The following LDAH variants were observed in gnomAD, a reference collection of about 807,000 sequenced individuals.
The protein encoded by LDAH is lipid droplet-associated hydrolase.
A neutral mutation model predicts 29.6 loss-of-function variants in LDAH; 26 were observed. That is an observed-to-expected ratio of 0.88 (90% CI 0.64 to 1.22). LDAH has a LOEUF of 1.22. LDAH is among the 50% of genes most tolerant of loss of function. The probability of loss-of-function intolerance (pLI) is 0.00; values close to 1 mark genes in which losing one functional copy is unlikely to be tolerated. For synonymous variants in LDAH, 117 were observed against 133.0 expected, an observed-to-expected ratio of 0.88 and a Z score of 0.83; for missense variants, 344 against 387.3, an observed-to-expected ratio of 0.89 and a Z score of 0.94.
Position 20,696,862 on chromosome 2 carries a change from C to T in LDAH, c.786+4708G>A, listed in dbSNP as rs1440541648. ...TCCCTTGGTTTATTTCATCCTGGTT[C>T]TCCTTCCCACCCTTCTTACCTCCCC... On this transcript the variant is annotated intron_variant, in intron 6 of 6. Transcript: ENST00000237822. Among the ~76,000 whole-genome samples, 6 of 152,224 alleles carry T rather than the reference C, an allele frequency of 3.9e-5. No homozygotes were observed. In the East Asian group the frequency reaches 9.7e-4, roughly 25 times the overall value.
At chr2:20,808,429 C>T (rs1057312375) in intron 1 of LDAH, among the ~76,000 whole-genome samples, 19 of 151,880 alleles carry the variant, frequency 1.3e-4, no homozygotes, top group Non-Finnish European at 2.2e-4. Flanking sequence ...TTTGGGAGGC[C>T]GAGGCGGGCG....
intron 4 of LDAH, among the ~76,000 whole-genome samples, chr2:20,762,898 GAC>G: frequency 6.6e-6 from 1 of 152,152 alleles, no homozygotes; most frequent in Non-Finnish European, 1.5e-5. Flanking sequence ...CGTGCCTGAA[GAC>G]ACAAAAATAC....
intron 5 of LDAH, among the ~76,000 whole-genome samples, chr2:20,702,899 C>T (rs1010758168): frequency 2.6e-5 from 4 of 152,204 alleles, no homozygotes; most frequent in South Asian, 2.1e-4. Context: ...ATGGCACGAT[C>T]GTGGCTCACG....
chr2:20,701,061 T>C (rs1342024127), intron 6 of LDAH, among the ~76,000 whole-genome samples: 3 of 152,212 alleles, frequency 2.0e-5, no homozygotes, highest in African/African-American at 7.2e-5. Context: ...AGATTGGTGC[T>C]TCCAGATGTG....
At chr2:20,773,248 A>C (rs1304785113) in intron 4 of LDAH, among the ~76,000 whole-genome samples, 2 of 152,146 alleles carry the variant, frequency 1.3e-5, no homozygotes, top group Non-Finnish European at 2.9e-5. Context: ...TTTACAAATG[A>C]GGAAACTGAG....
rs190796112 is a variant in LDAH at position 20,701,753 on chromosome 2, C to T, written c.704-101G>A. 2.8e-4 allele frequency: 293 copies of T among 1,040,066 alleles called. No homozygotes were observed. The African/African-American group carries it at 3.9e-3, about 14-fold the overall frequency. 64.4% of individuals were successfully genotyped at this position (1,040,066 alleles called of 1,614,324 possible). On this transcript the variant is annotated intron_variant, in intron 5 of 6. Transcript: ENST00000237822. Reference sequence around the variant, plus strand: ...TTCATGTTCCTCCTTTCTTTTGGCACGTGCTATCTGATGAGAGATACTGGT... The same window carrying T: ...TTCATGTTCCTCCTTTCTTTTGGCATGTGCTATCTGATGAGAGATACTGGT...
intron 1 of LDAH, among the ~76,000 whole-genome samples, chr2:20,804,675 T>C (rs535350023): frequency 1.7e-4 from 25 of 150,210 alleles, no homozygotes; most frequent in African/African-American, 6.3e-4. Flanking sequence ...TTCATTCTCT[T>C]TGTTTATTCC....
At chr2:20,813,391 CAT>C (rs1558504191) in intron 1 of LDAH, among the ~76,000 whole-genome samples, 1 of 152,120 alleles carries the variant, frequency 6.6e-6, no homozygotes, top group African/African-American at 2.4e-5. Context: ...TACTTAATAA[CAT>C]ATGGATATCC....
intron 1 of LDAH, among the ~76,000 whole-genome samples, chr2:20,813,138 T>C (rs1171619963): frequency 1.3e-5 from 2 of 152,186 alleles, no homozygotes; most frequent in East Asian, 3.9e-4. Context: ...AAATGAGATA[T>C]AATGCATGCT....
intron 4 of LDAH, among the ~76,000 whole-genome samples, chr2:20,756,384 T>A (rs1369659510): frequency 6.6e-6 from 1 of 152,074 alleles, no homozygotes; most frequent in Non-Finnish European, 1.5e-5. Context: ...CACTAGACAT[T>A]TGAGGAAAGC....
At chr2:20,806,562 T>C (rs896859394) in intron 1 of LDAH, among the ~76,000 whole-genome samples, 5 of 152,122 alleles carry the variant, frequency 3.3e-5, no homozygotes, top group African/African-American at 1.2e-4. Context: ...AACATAAACA[T>C]GCTGGTGATC....
At chr2:20,731,560 C>A (rs1666411356) in intron 5 of LDAH, among the ~76,000 whole-genome samples, 1 of 152,146 alleles carries the variant, frequency 6.6e-6, no homozygotes. Context: ...GTCTTCCAAT[C>A]CATGAACACA....
intron 1 of LDAH, among the ~76,000 whole-genome samples, chr2:20,802,681 T>C (rs532975791): frequency 3.9e-5 from 6 of 152,298 alleles, no homozygotes; most frequent in Admixed American, 2.0e-4. Context: ...CCTTGCACTT[T>C]AGTCTTCTTG....
At chr2:20,744,056 C>T (rs545549659) in intron 4 of LDAH, among the ~76,000 whole-genome samples, 1 of 151,852 alleles carries the variant, frequency 6.6e-6, no homozygotes, top group South Asian at 2.1e-4. Flanking sequence ...TTTGCTTTTT[C>T]CTTAGGATTT....
chr2:20,805,011 A>G, intron 1 of LDAH, among the ~76,000 whole-genome samples: 1 of 152,226 alleles, frequency 6.6e-6, no homozygotes, highest in East Asian at 1.9e-4. Flanking sequence ...ATTTAGCACT[A>G]AACACTATAT....
rs1281961073 is a variant in LDAH at position 20,684,923 on chromosome 2, C to T, written c.*1980G>A. On this transcript the variant is annotated 3_prime_UTR_variant, in exon 7 of 7. Transcript: ENST00000237822. ...AGTCTCTTGAAATCTGATTCTTCCA[C>T]CTATGAAAAAAGCAATGAGAAAGGT... 1.3e-6 allele frequency: 2 copies of T among 1,549,566 alleles called. No individual in the cohort carries two copies. Among genetic ancestry groups the T allele is most frequent in the South Asian group, 2.4e-5 (2 of 83,790 alleles).
At chr2:20,708,868 C>G (rs924943613) in intron 5 of LDAH, among the ~76,000 whole-genome samples, 1 of 151,992 alleles carries the variant, frequency 6.6e-6, no homozygotes, top group African/African-American at 2.4e-5. Flanking sequence ...TAAAGGACAC[C>G]ATCAAGAAAG....
At chr2:20,737,827 C>T (rs139141077) in intron 5 of LDAH, among the ~76,000 whole-genome samples, 195 of 152,220 alleles carry the variant, frequency 1.3e-3, no homozygotes, top group Middle Eastern at 0.01. Flanking sequence ...TAAGGCATTC[C>T]GAGCCTCTAG....
chr2:20,752,875 C>T (rs1025223201), intron 4 of LDAH, among the ~76,000 whole-genome samples: 13 of 152,176 alleles, frequency 8.5e-5, no homozygotes, highest in Admixed American at 2.6e-4. Context: ...CAGAGTCTCA[C>T]TTTCTGATAA....
Sources: gnomAD v4.1 joint callset for allele counts (sites outside exome capture counted in the v4.1 genomes callset) on GRCh38, gnomAD v4.1.1 for gene constraint, MANE v1.5 for transcripts, NCBI Gene and HGNC (gene_info 2026-07-23, HGNC 2026-07-21) for gene names.